Variants in CDH13 observed in about 807,000 individuals in gnomAD.
CDH13 encodes the protein cadherin 13, also known as cadherin-13.
Under a neutral mutation model 63.8 loss-of-function variants are expected in CDH13, and 24 were observed. The observed-to-expected ratio is 0.38, with a 90% CI of 0.27 to 0.53. The LOEUF (loss-of-function observed/expected upper bound fraction) is 0.53, where lower values mean the gene tolerates loss of function less well. CDH13 is among the 20% of genes least tolerant of loss of function. The pLI, the probability that CDH13 is intolerant of heterozygous loss-of-function variation, is 0.85. For synonymous variants in CDH13, 503 were observed against 355.3 expected (o/e 1.42, Z -4.67); for missense variants, 1,049 against 903.1 (o/e 1.16, Z -2.07).
At chr16:83,789,279 A>G (rs1916093146) in intron 13 of CDH13, among the ~76,000 whole-genome samples, 2 of 152,152 alleles carry the variant, frequency 1.3e-5, no homozygotes, top group African/African-American at 4.8e-5. Flanking sequence ...TTAAACCCTT[A>G]AGCAAGGATT....
intron 1 of CDH13, among the ~76,000 whole-genome samples, chr16:82,810,586 C>T (rs1248523061): frequency 6.6e-6 from 1 of 152,112 alleles, no homozygotes; most frequent in Non-Finnish European, 1.5e-5. Context: ...GGGCAATTGG[C>T]TTACTCCAGT....
At chr16:83,620,158 C>T (rs1909676188) in intron 8 of CDH13, among the ~76,000 whole-genome samples, 1 of 152,056 alleles carries the variant, frequency 6.6e-6, no homozygotes, top group South Asian at 2.1e-4. Context: ...TTTCAGAGGC[C>T]AAGGTGGGTG....
intron 8 of CDH13, among the ~76,000 whole-genome samples, chr16:83,627,912 G>C (rs1175110800): frequency 6.6e-6 from 1 of 152,220 alleles, no homozygotes; most frequent in Non-Finnish European, 1.5e-5. Flanking sequence ...GATTATTCAA[G>C]ACTTTTCCAG....
At chr16:83,246,394 T>C (rs1335314542) in intron 5 of CDH13, among the ~76,000 whole-genome samples, 2 of 152,138 alleles carry the variant, frequency 1.3e-5, no homozygotes, top group Non-Finnish European at 2.9e-5. Context: ...AAAGATCACA[T>C]TCCTAATCTT....
intron 4 of CDH13, among the ~76,000 whole-genome samples, chr16:83,146,695 A>G (rs996633874): frequency 2.6e-5 from 4 of 152,236 alleles, no homozygotes; most frequent in Non-Finnish European, 5.9e-5. Flanking sequence ...AGTTGCAAAT[A>G]CCAATAATTC....
chr16:83,728,978 C>A, intron 10 of CDH13: 1 of 153,008 alleles, frequency 6.5e-6, no homozygotes, highest in South Asian at 1.9e-4. Context: ...CTCATGTAGC[C>A]TCATTTCCTT....
intron 5 of CDH13, among the ~76,000 whole-genome samples, chr16:83,312,501 G>A (rs769346740): frequency 2.6e-5 from 4 of 152,152 alleles, no homozygotes; most frequent in Non-Finnish European, 4.4e-5. Flanking sequence ...TGTGCCCTTT[G>A]TTTCTTGGTT....
chr16:82,844,165 T>G (rs1597779308), intron 1 of CDH13, among the ~76,000 whole-genome samples: 1 of 152,056 alleles, frequency 6.6e-6, no homozygotes, highest in African/African-American at 2.4e-5. Flanking sequence ...GGAGCCAGAG[T>G]TAGAAACAGA....
intron 2 of CDH13, among the ~76,000 whole-genome samples, chr16:82,872,654 A>AT (rs1298464358): frequency 2.6e-5 from 4 of 152,144 alleles, no homozygotes; most frequent in African/African-American, 9.7e-5. Flanking sequence ...GTTGATGGAA[A>AT]TTTTTTTGGC....
chr16:83,296,186 C>G (rs866732877), intron 5 of CDH13, among the ~76,000 whole-genome samples: 20 of 152,182 alleles, frequency 1.3e-4, no homozygotes, highest in African/African-American at 4.8e-4. Context: ...TTCAGATACA[C>G]TTTTCCCACT....
intron 8 of CDH13, among the ~76,000 whole-genome samples, chr16:83,623,323 T>G (rs982468352): frequency 1.3e-5 from 2 of 152,252 alleles, no homozygotes; most frequent in Admixed American, 1.3e-4. Context: ...CGGGCTCTCT[T>G]TTCTTTCACT....
Position 83,783,418 on chromosome 16 carries a change from G to A in CDH13, c.2080G>A (p.Ala694Thr), listed in dbSNP as rs752859206. 3.1e-6 allele frequency: 5 copies of A among 1,614,008 alleles called. No individual in the cohort carries two copies. Among genetic ancestry groups the A allele is most frequent in the East Asian group, 2.2e-5 (1 of 44,874 alleles). The change falls in exon 13 of 14, where the codon GCC (alanine) becomes ACC (threonine). Residue 694 changes from alanine to threonine, a missense_variant. By Grantham distance (58) the Ala-to-Thr change is moderately conservative. Coordinates refer to ENST00000567109, the MANE Select transcript of CDH13 (RefSeq NM_001257.5). ...CAAAGTGGACTGCAACGCGGCAGGG[G>A]CCCTGCGCTTCAGCCTGCCCTCAGT... ...NSKVDCNAAG[A>T]LRFSLPSVLL... is the part of the protein sequence containing the mutation.
chr16:83,480,105 G>A (rs777391205), intron 6 of CDH13, among the ~76,000 whole-genome samples: 7 of 152,112 alleles, frequency 4.6e-5, no homozygotes, highest in African/African-American at 1.7e-4. Context: ...TGGGCAGATC[G>A]CTTGACTCCA....
At chr16:83,468,046 AAACT>A (rs1438419213) in intron 6 of CDH13, among the ~76,000 whole-genome samples, 3 of 152,188 alleles carry the variant, frequency 2.0e-5, no homozygotes, top group Non-Finnish European at 2.9e-5. Context: ...AGCATCTCAC[AAACT>A]GTCTTCTCTC....
chr16:82,846,374 A>G (rs2039256534), intron 1 of CDH13, among the ~76,000 whole-genome samples: 1 of 152,040 alleles, frequency 6.6e-6, no homozygotes, highest in South Asian at 2.1e-4. Flanking sequence ...AATATATATC[A>G]GCTATCAATA....
At chr16:83,509,939 C>T (rs985287581) in intron 7 of CDH13, among the ~76,000 whole-genome samples, 1 of 152,138 alleles carries the variant, frequency 6.6e-6, no homozygotes, top group African/African-American at 2.4e-5. Context: ...GGTGGCAAGA[C>T]CCCGGACAGA....
At chr16:82,846,327 T>C (rs2039253966) in intron 1 of CDH13, among the ~76,000 whole-genome samples, 1 of 151,812 alleles carries the variant, frequency 6.6e-6, no homozygotes, top group African/African-American at 2.4e-5. Flanking sequence ...TCTATATTAA[T>C]ATAACTATAA....
intron 5 of CDH13, among the ~76,000 whole-genome samples, chr16:83,272,402 G>C (rs762270642): frequency 6.6e-6 from 1 of 152,206 alleles, no homozygotes; most frequent in Non-Finnish European, 1.5e-5. Context: ...TCCAGGCAGA[G>C]TGAATATTTG....
intron 7 of CDH13, among the ~76,000 whole-genome samples, chr16:83,546,462 C>T (rs1224248186): frequency 6.7e-6 from 1 of 148,976 alleles, no homozygotes; most frequent in African/African-American, 2.5e-5. Flanking sequence ...AAGAAAATAG[C>T]TATTGCTTCT....
Sources: gnomAD v4.1 joint callset for allele counts (sites outside exome capture counted in the v4.1 genomes callset) on GRCh38, gnomAD v4.1.1 for gene constraint, MANE v1.5 for transcripts, NCBI Gene and HGNC (gene_info 2026-07-23, HGNC 2026-07-21) for gene names.